Variants in PRKCA observed in about 807,000 individuals in gnomAD.
The protein encoded by PRKCA is protein kinase C alpha, also known as protein kinase C alpha type.
PRKCA carries 27 observed loss-of-function variants against 87.0 expected under a neutral mutation model. The ratio of observed to expected loss-of-function variants is 0.31; its 90% CI spans 0.23 to 0.43. PRKCA has a LOEUF of 0.43. Ranked by LOEUF, PRKCA falls within the 20% of genes least tolerant of loss-of-function variation. The probability of loss-of-function intolerance (pLI) is 1.00; values close to 1 mark genes in which losing one functional copy is unlikely to be tolerated. For synonymous variants in PRKCA, 329 were observed against 311.1 expected (o/e 1.06, Z -0.61); for missense variants, 518 against 852.3 (o/e 0.61, Z 4.88).
chr17:66,560,879 C>A (rs189328952), intron 3 of PRKCA, among the ~76,000 whole-genome samples: 150 of 152,294 alleles, frequency 9.8e-4, no homozygotes, highest in African/African-American at 3.4e-3. Context: ...GCCTGTCCAC[C>A]CTTGCCTTTG....
At chr17:66,546,657 C>T (rs1395717686) in intron 3 of PRKCA, among the ~76,000 whole-genome samples, 1 of 152,204 alleles carries the variant, frequency 6.6e-6, no homozygotes, top group African/African-American at 2.4e-5. Context: ...CTACCCTAAT[C>T]CAATATTGGC....
At chr17:66,576,669 G>A (rs1367238424) in intron 3 of PRKCA, among the ~76,000 whole-genome samples, 5 of 151,992 alleles carry the variant, frequency 3.3e-5, no homozygotes, top group Admixed American at 2.6e-4. Flanking sequence ...TTGATGGTTC[G>A]GCTAGTCATA....
chr17:66,641,296 A>C, intron 3 of PRKCA, 59 bp from the exon 4 acceptor site: 1 of 1,280,672 alleles, frequency 7.8e-7, no homozygotes, highest in Non-Finnish European at 1.1e-6. Flanking sequence ...AGCTTGGCTT[A>C]ATCTAAAAAC....
intron 3 of PRKCA, among the ~76,000 whole-genome samples, chr17:66,582,379 T>A (rs557673522): frequency 2.3e-4 from 35 of 152,252 alleles, no homozygotes; most frequent in African/African-American, 7.9e-4. Context: ...CACCTTGAAT[T>A]GTAATAATCC....
Position 66,305,659 on chromosome 17 carries a change from A to G in PRKCA, c.174-437A>G, listed in dbSNP as rs567784503. Among the ~76,000 whole-genome samples the G allele has an allele frequency of 6.6e-5, 10 of 152,372 alleles. No homozygotes were observed. The South Asian group carries it at 1.0e-3, about 16-fold the overall frequency. ...TAGACATGTGATATTTTAAACAAAA[A>G]GAAGCCACTTTGTTATCTTTAGGGA... On this transcript the variant is annotated intron_variant, in intron 1 of 16. Coordinates refer to ENST00000413366, the MANE Select transcript of PRKCA (RefSeq NM_002737.3).
At chr17:66,418,918 A>T (rs999795703) in intron 2 of PRKCA, among the ~76,000 whole-genome samples, 39 of 141,590 alleles carry the variant, frequency 2.8e-4, no homozygotes, top group African/African-American at 9.6e-4. Flanking sequence ...CGCCCGGCTA[A>T]TTTTTTTTTT....
rs1335068709 is a variant in PRKCA, at chr17:66,356,756, A to AT, written c.205+50636dup. ...TAACCCTTAAAATGATTTTTTAAAT[A>AT]TTTTTTTAAAAAATAGGGTCTTACT... On this transcript the variant is annotated intron_variant, in intron 2 of 16. Transcript: ENST00000413366. 1.6e-4 allele frequency among the ~76,000 whole-genome samples: 25 copies of AT among 152,248 alleles called. No individual in the cohort carries two copies. The East Asian group carries it at 4.6e-3, about 28-fold the overall frequency.
At chr17:66,500,028 C>T (rs992648557) in intron 3 of PRKCA, among the ~76,000 whole-genome samples, 7 of 152,256 alleles carry the variant, frequency 4.6e-5, no homozygotes, top group African/African-American at 1.7e-4. Context: ...GTGATTCAGC[C>T]ATGAGGTGGA....
intron 8 of PRKCA, among the ~76,000 whole-genome samples, chr17:66,727,145 T>C (rs1302889066): frequency 6.6e-6 from 1 of 152,118 alleles, no homozygotes; most frequent in Non-Finnish European, 1.5e-5. Context: ...CCTCAGCTGG[T>C]GTCCAGGCTC....
At chr17:66,587,239 G>A (rs1969624709) in intron 3 of PRKCA, among the ~76,000 whole-genome samples, 1 of 152,006 alleles carries the variant, frequency 6.6e-6, no homozygotes, top group Non-Finnish European at 1.5e-5. Flanking sequence ...TATTTTTTGG[G>A]GACTATCATC....
chr17:66,658,491 AAAC>A (rs61208838), intron 5 of PRKCA, among the ~76,000 whole-genome samples: 8,357 of 150,324 alleles, frequency 0.056, 667 homozygotes, highest in African/African-American at 0.18. Flanking sequence ...CTGTCTTCAA[AAAC>A]AACAACAACA....
chr17:66,480,534 C>T (rs768709072), intron 2 of PRKCA, among the ~76,000 whole-genome samples: 15 of 152,082 alleles, frequency 9.9e-5, no homozygotes, highest in East Asian at 1.9e-4. Flanking sequence ...GGAAAGTTTC[C>T]GCATGTATTT....
At chr17:66,647,607 A>G (rs1022227618) in intron 5 of PRKCA, among the ~76,000 whole-genome samples, 1 of 152,248 alleles carries the variant, frequency 6.6e-6, no homozygotes, top group African/African-American at 2.4e-5. Flanking sequence ...TTGCAGATCT[A>G]AAACTGCATA....
In PRKCA at chr17:66,742,619, C is replaced by T; in HGVS notation, c.1386-3C>T. ...ACTCTGATGTTAACCCGGTTCCTTG[C>T]AGGGATCTGAAGTTAGATAACGTCA... On this transcript the variant is annotated splice_region_variant and splice_polypyrimidine_tract_variant and intron_variant, in intron 12 of 16. Transcript: ENST00000413366. The T allele has an allele frequency of 3.1e-6, 5 of 1,613,654 alleles. No individual in the cohort carries two copies. The highest frequency in any genetic ancestry group is 4.2e-6 in the Non-Finnish European group (5 of 1,179,804).
chr17:66,316,009 A>G (rs1245155570), intron 2 of PRKCA, among the ~76,000 whole-genome samples: 1 of 152,194 alleles, frequency 6.6e-6, no homozygotes, highest in East Asian at 1.9e-4. Context: ...GGAAGGAAGG[A>G]GATATTTTTT....
intron 16 of PRKCA, among the ~76,000 whole-genome samples, chr17:66,799,818 T>G (rs1023325700): frequency 6.6e-6 from 1 of 152,088 alleles, no homozygotes; most frequent in African/African-American, 2.4e-5. Flanking sequence ...TGTGGAAGGC[T>G]CATTTATAAT....
intron 5 of PRKCA, among the ~76,000 whole-genome samples, chr17:66,675,981 G>A (rs570756736): frequency 1.3e-5 from 2 of 152,112 alleles, no homozygotes; most frequent in Non-Finnish European, 2.9e-5. Flanking sequence ...CAGCTTGACC[G>A]CCCCCGGAAC....
intron 2 of PRKCA, among the ~76,000 whole-genome samples, chr17:66,313,776 A>AT (rs1331007574): frequency 1.3e-5 from 2 of 152,168 alleles, no homozygotes; most frequent in African/African-American, 2.4e-5. Flanking sequence ...GCGTTAATAC[A>AT]TTTTTTGTGC....
intron 3 of PRKCA, among the ~76,000 whole-genome samples, chr17:66,621,732 A>G (rs975683553): frequency 1.3e-5 from 2 of 152,140 alleles, no homozygotes; most frequent in African/African-American, 4.8e-5. Context: ...AGCAAAAGTA[A>G]GAAATAGTAC....
Sources: allele counts gnomAD v4.1 joint callset (sites outside exome capture counted in the v4.1 genomes callset), GRCh38; gene constraint gnomAD v4.1.1; transcripts MANE v1.5; gene names NCBI Gene and HGNC (gene_info 2026-07-23, HGNC 2026-07-21).